The following PARD3 variants were observed in gnomAD, a reference collection of about 807,000 sequenced individuals.
PARD3 encodes the protein partitioning defective 3 homolog.
PARD3 carries 75 observed loss-of-function variants against 155.4 expected under a neutral mutation model. The observed-to-expected ratio is 0.48, with a 90% CI of 0.40 to 0.58. The LOEUF is 0.58. Among genes scored for constraint, PARD3 ranks in the 20% least tolerant of loss-of-function variants. The pLI is 0.00. For missense variants in PARD3, 1,642 were observed against 1,721.7 expected (o/e 0.95, Z 0.82); for synonymous variants, 576 against 610.5 (o/e 0.94, Z 0.83).
chr10:34,420,704 C>T (rs545766409), intron 5 of PARD3, among the ~76,000 whole-genome samples: 2 of 152,294 alleles, frequency 1.3e-5, no homozygotes, highest in South Asian at 2.1e-4. Context: ...AAACACATCA[C>T]TTGCATGCAC....
intron 22 of PARD3, among the ~76,000 whole-genome samples, chr10:34,155,162 C>T (rs1948947358): frequency 1.3e-5 from 2 of 152,126 alleles, no homozygotes; most frequent in Admixed American, 1.3e-4. Context: ...TCAGGTTGAG[C>T]GGTCAGCCTA....
At chr10:34,581,407 T>C (rs1416094809) in intron 2 of PARD3, among the ~76,000 whole-genome samples, 3 of 151,552 alleles carry the variant, frequency 2.0e-5, no homozygotes, top group Non-Finnish European at 4.4e-5. Context: ...GCTAATTTTT[T>C]GTATTTTTAG....
intron 1 of PARD3, among the ~76,000 whole-genome samples, chr10:34,697,881 C>T (rs1338011376): frequency 2.0e-5 from 3 of 151,956 alleles, no homozygotes; most frequent in African/African-American, 7.3e-5. Flanking sequence ...GGGACACCTG[C>T]CACTGAGACA....
intron 2 of PARD3, among the ~76,000 whole-genome samples, chr10:34,560,216 T>C (rs544330457): frequency 2.6e-5 from 4 of 152,164 alleles, no homozygotes; most frequent in Non-Finnish European, 5.9e-5. Context: ...TTGTGGGAAT[T>C]TTCCTTGACC....
At chr10:34,780,945 T>C (rs1355933755) in intron 1 of PARD3, among the ~76,000 whole-genome samples, 2 of 152,190 alleles carry the variant, frequency 1.3e-5, no homozygotes, top group African/African-American at 4.8e-5. Context: ...CACACAGCTA[T>C]AACGGGAAAC....
At chr10:34,337,226 A>T (rs750910332) in intron 17 of PARD3, 49 bp downstream of exon 17, 1 of 1,179,656 alleles carries the variant, frequency 8.5e-7, no homozygotes, top group Non-Finnish European at 1.2e-6. Context: ...TTTTATCCTG[A>T]AAGCATTTAA....
chr10:34,468,969 A>T (rs1466201447), intron 4 of PARD3, among the ~76,000 whole-genome samples: 2 of 152,206 alleles, frequency 1.3e-5, no homozygotes, highest in Non-Finnish European at 2.9e-5. Flanking sequence ...CACTGAAAAA[A>T]TGTTTATTAA....
intron 7 of PARD3, among the ~76,000 whole-genome samples, chr10:34,384,660 C>T (rs994678198): frequency 2.0e-5 from 3 of 152,174 alleles, no homozygotes; most frequent in Admixed American, 2.0e-4. Flanking sequence ...ACGACTGCAA[C>T]TCCCATCTTT....
At chr10:34,172,211 T>C (rs533850319) in intron 22 of PARD3, among the ~76,000 whole-genome samples, 1 of 152,242 alleles carries the variant, frequency 6.6e-6, no homozygotes, top group South Asian at 2.1e-4. Flanking sequence ...GGCTTAGATA[T>C]AAAAGGGAAA....
In PARD3 at chr10:34,111,334, A is replaced by T. The variant is rs758018077; in HGVS notation, c.3897T>A (p.Pro1299=). The stretch of plus-strand genomic sequence containing the variant: ...CATAGTTGCTGGGCCCCTCGGAAGG[A>T]GGCTGCTTCTTCATCTGCTGCTCCT... The part of the protein sequence containing the change: ...RRKEQQMKKQ[P]PSEGPSNYDS... Residue 1299 remains proline, a synonymous_variant, in exon 25 of 25, where the codon CCT becomes CCA. Transcript: ENST00000374788. 6.2e-7 allele frequency: 1 copy of T among 1,613,888 alleles called. No homozygotes were observed. The highest frequency in any genetic ancestry group is 2.2e-5 in the East Asian group (1 of 44,848).
chr10:34,708,529 T>C (rs2094402472), intron 1 of PARD3, among the ~76,000 whole-genome samples: 2 of 152,212 alleles, frequency 1.3e-5, no homozygotes, highest in African/African-American at 2.4e-5. Flanking sequence ...ATCTGTACTT[T>C]AGTCTCAAAT....
intron 2 of PARD3, among the ~76,000 whole-genome samples, chr10:34,549,796 G>A (rs2084390781): frequency 6.6e-6 from 1 of 151,902 alleles, no homozygotes; most frequent in Admixed American, 6.6e-5. Context: ...TTTAGATGAG[G>A]CATACTCTCC....
intron 2 of PARD3, among the ~76,000 whole-genome samples, chr10:34,687,904 G>A (rs1288516774): frequency 8.7e-6 from 1 of 114,554 alleles, no homozygotes; most frequent in Non-Finnish European, 1.6e-5. Flanking sequence ...GCCCAAGCTT[G>A]AGTAGAGCAG....
chr10:34,565,747 C>T (rs2085892407), intron 2 of PARD3, among the ~76,000 whole-genome samples: 1 of 152,088 alleles, frequency 6.6e-6, no homozygotes, highest in African/African-American at 2.4e-5. Flanking sequence ...GTGGCCCCTT[C>T]CCTTAAGATC....
intron 1 of PARD3, among the ~76,000 whole-genome samples, chr10:34,796,512 A>G (rs1842259694): frequency 6.6e-6 from 1 of 152,246 alleles, no homozygotes. Context: ...GCTGAATATT[A>G]TTTTTAAAAT....
At chr10:34,804,383 C>T (rs938485160) in intron 1 of PARD3, among the ~76,000 whole-genome samples, 2 of 152,182 alleles carry the variant, frequency 1.3e-5, no homozygotes, top group African/African-American at 4.8e-5. Flanking sequence ...AGATCTCTAA[C>T]AAAGTGGTAA....
At chr10:34,756,476 A>T (rs867815357) in intron 1 of PARD3, among the ~76,000 whole-genome samples, 150 of 61,752 alleles carry the variant, frequency 2.4e-3, no homozygotes, top group Middle Eastern at 9.8e-3. Flanking sequence ...TTTTTTTCTT[A>T]TAAAAAAAAA....
At position 34,119,625 on chromosome 10, in the gene PARD3, C is replaced by T. The variant is rs779999745; in HGVS notation, c.3656G>A (p.Ser1219Asn). ...AGCGTCCTCATACCGAGGCAGAGAGCTGTACTGGCGCTGGGCCTGCTGGGA... is the reference window on the plus strand; with the variant it reads ...AGCGTCCTCATACCGAGGCAGAGAGTTGTACTGGCGCTGGGCCTGCTGGGA... ...ESSQQAQRQYSSLPRQSRKNA... is the reference protein window; with the variant it reads ...ESSQQAQRQYNSLPRQSRKNA... The change falls in exon 24 of 25, where the codon AGC becomes AAC. Residue 1219 changes from serine to asparagine, a missense_variant. Transcript: ENST00000374788. The T allele has an allele frequency of 6.8e-6, 11 of 1,607,464 alleles. No homozygotes were observed. The highest frequency in any genetic ancestry group is 1.3e-5 in the African/African-American group (1 of 74,812).
intron 2 of PARD3, among the ~76,000 whole-genome samples, chr10:34,691,912 G>A (rs952640783): frequency 5.9e-5 from 9 of 152,108 alleles, no homozygotes; most frequent in Non-Finnish European, 1.3e-4. Flanking sequence ...ATTGACACTG[G>A]ACCCCTTCCT....
Sources: allele counts gnomAD v4.1 joint callset (sites outside exome capture counted in the v4.1 genomes callset), GRCh38; gene constraint gnomAD v4.1.1; transcripts MANE v1.5; gene names NCBI Gene and HGNC (gene_info 2026-07-23, HGNC 2026-07-21).